The following PTPRD variants were observed in gnomAD, a reference collection of about 807,000 sequenced individuals.
PTPRD encodes receptor-type tyrosine-protein phosphatase delta.
In PTPRD, 34 loss-of-function variants were observed where a neutral mutation model predicts 214.5. The ratio of observed to expected loss-of-function variants is 0.16; its 90% confidence interval spans 0.12 to 0.21. PTPRD has a LOEUF of 0.21. Ranked by LOEUF, PTPRD falls within the 10% of genes least tolerant of loss-of-function variation. PTPRD has a pLI of 1.00. For synonymous variants in PTPRD, 1,128 were observed against 845.7 expected (o/e 1.33, Z -5.79); for missense variants, 2,545 against 2,398.7 (o/e 1.06, Z -1.27).
chr9:10,070,042 G>A (rs73641842), intron 3 of PTPRD, among the ~76,000 whole-genome samples: 2,408 of 152,070 alleles, frequency 0.016, 83 homozygotes, highest in African/African-American at 0.054. Flanking sequence ...CAAATTTTTG[G>A]TGTGAAGCAG....
intron 9 of PTPRD, among the ~76,000 whole-genome samples, chr9:9,234,642 T>C (rs2099965388): frequency 6.6e-6 from 1 of 152,164 alleles, no homozygotes; most frequent in African/African-American, 2.4e-5. Flanking sequence ...ATACCCTAAA[T>C]CAACTCTCTC....
chr9:10,024,647 T>C (rs1026709527), intron 4 of PTPRD, among the ~76,000 whole-genome samples: 1 of 152,016 alleles, frequency 6.6e-6, no homozygotes, highest in East Asian at 1.9e-4. Context: ...ATTATTATTA[T>C]ACTTTAAGTT....
chr9:9,994,890 T>C (rs1293703911), intron 4 of PTPRD, among the ~76,000 whole-genome samples: 1 of 152,110 alleles, frequency 6.6e-6, no homozygotes, highest in African/African-American at 2.4e-5. Flanking sequence ...ATATATAATG[T>C]TAATATTGGA....
intron 7 of PTPRD, among the ~76,000 whole-genome samples, chr9:9,715,233 T>C (rs2097797277): frequency 1.3e-5 from 2 of 152,196 alleles, no homozygotes; most frequent in South Asian, 4.1e-4. Context: ...TATGACTTTC[T>C]GTTCCTACTA....
chr9:10,386,669 C>A (rs371937988), intron 2 of PTPRD, among the ~76,000 whole-genome samples: 8 of 144,380 alleles, frequency 5.5e-5, no homozygotes, highest in African/African-American at 1.0e-4. Context: ...AAAAACAAAA[C>A]AAAACAAAAC....
At chr9:10,012,243 CA>C (rs1425016390) in intron 4 of PTPRD, among the ~76,000 whole-genome samples, 3 of 151,098 alleles carry the variant, frequency 2.0e-5, no homozygotes, top group Non-Finnish European at 3.0e-5. Flanking sequence ...TCTATATGAC[CA>C]AATTGAAATG....
chr9:10,312,015 T>C (rs2154418414), intron 3 of PTPRD, among the ~76,000 whole-genome samples: 2 of 152,054 alleles, frequency 1.3e-5, no homozygotes, highest in South Asian at 4.2e-4. Flanking sequence ...TCTCACACAG[T>C]GACCAATAAG....
chr9:10,588,427 TACACACAC>T (rs3076471), intron 2 of PTPRD, among the ~76,000 whole-genome samples: 1 of 146,610 alleles, frequency 6.8e-6, no homozygotes, highest in South Asian at 2.2e-4. Flanking sequence ...TGGCTTATTG[TACACACAC>T]ACACACACAC....
intron 11 of PTPRD, among the ~76,000 whole-genome samples, chr9:8,745,388 TTTAA>T (rs1447083590): frequency 1.3e-5 from 2 of 152,154 alleles, no homozygotes; most frequent in Non-Finnish European, 2.9e-5. Context: ...AAGTCCCTCC[TTTAA>T]TTAGCAAAGA....
At chr9:9,310,795 G>GT (rs1343373349) in intron 9 of PTPRD, among the ~76,000 whole-genome samples, 4 of 151,978 alleles carry the variant, frequency 2.6e-5, no homozygotes, top group Non-Finnish European at 4.4e-5. Flanking sequence ...GCAAATGCCT[G>GT]TAATTCCAGC....
intron 30 of PTPRD, 93 bp downstream of exon 30, chr9:8,484,026 G>A (rs564056813): frequency 1.4e-6 from 2 of 1,466,898 alleles, no homozygotes; most frequent in Non-Finnish European, 9.2e-7. Context: ...ACATTAAGCA[G>A]TATCTTCTTT....
At chr9:9,473,303 G>C (rs756791485) in intron 8 of PTPRD, among the ~76,000 whole-genome samples, 6 of 152,112 alleles carry the variant, frequency 3.9e-5, no homozygotes, top group Non-Finnish European at 8.8e-5. Flanking sequence ...TTGAGTGACA[G>C]GATTTTATTC....
intron 10 of PTPRD, among the ~76,000 whole-genome samples, chr9:9,085,307 T>C (rs984230691): frequency 6.6e-6 from 1 of 152,160 alleles, no homozygotes; most frequent in African/African-American, 2.4e-5. Context: ...CTTTTACCAT[T>C]AAGTGTGAAC....
chr9:8,828,731 T>C (rs897170655), intron 11 of PTPRD, among the ~76,000 whole-genome samples: 1 of 152,168 alleles, frequency 6.6e-6, no homozygotes, highest in African/African-American at 2.4e-5. Flanking sequence ...AAAACATATA[T>C]AATAAATTGT....
intron 10 of PTPRD, among the ~76,000 whole-genome samples, chr9:9,183,051 T>C (rs903249966): frequency 1.3e-5 from 2 of 152,070 alleles, no homozygotes; most frequent in African/African-American, 2.4e-5. Flanking sequence ...CCTAACATCA[T>C]ATATAATTCA....
intron 3 of PTPRD, among the ~76,000 whole-genome samples, chr9:10,207,311 G>A (rs1487896738): frequency 6.6e-6 from 1 of 151,886 alleles, no homozygotes; most frequent in East Asian, 1.9e-4. Flanking sequence ...TGAGCTTTAT[G>A]GTTTTGTATA....
At chr9:10,252,639 G>T (rs969652368) in intron 3 of PTPRD, among the ~76,000 whole-genome samples, 3 of 152,008 alleles carry the variant, frequency 2.0e-5, no homozygotes, top group African/African-American at 7.2e-5. Context: ...GAAACTGTTT[G>T]GGGATGATTT....
At chr9:9,070,035 T>C (rs944574969) in intron 10 of PTPRD, among the ~76,000 whole-genome samples, 1 of 152,214 alleles carries the variant, frequency 6.6e-6, no homozygotes, top group Admixed American at 6.5e-5. Flanking sequence ...CCCTAGTTGT[T>C]TCCTCTATGG....
At chr9:10,113,533 T>A (rs2098707695) in intron 3 of PTPRD, among the ~76,000 whole-genome samples, 1 of 152,198 alleles carries the variant, frequency 6.6e-6, no homozygotes, top group African/African-American at 2.4e-5. Flanking sequence ...TTTTTCAAAC[T>A]TATCCAATGA....
Sources: gnomAD v4.1 joint callset for allele counts (sites outside exome capture counted in the v4.1 genomes callset) on GRCh38, gnomAD v4.1.1 for gene constraint, MANE v1.5 for transcripts, NCBI Gene and HGNC (gene_info 2026-07-23, HGNC 2026-07-21) for gene names.